The following ULK4 variants were observed in gnomAD, a reference collection of about 807,000 sequenced individuals.
The protein encoded by ULK4 is unc-51 like kinase 4, also known as inactive serine/threonine-protein kinase ULK4.
Under a neutral mutation model 160.6 loss-of-function variants are expected in ULK4, and 133 were observed. That is an observed-to-expected ratio of 0.83 (90% CI 0.72 to 0.96). The LOEUF is 0.96. Among genes scored for constraint, ULK4 ranks in the 40% least tolerant of loss-of-function variants. ULK4 has a pLI of 0.00. For missense variants in ULK4, 1,580 were observed against 1,499.5 expected (o/e 1.05, Z -0.89); for synonymous variants, 534 against 539.8 (o/e 0.99, Z 0.15).
chr3:41,806,516 C>T (rs960019601), intron 19 of ULK4, among the ~76,000 whole-genome samples: 1 of 152,010 alleles, frequency 6.6e-6, no homozygotes, highest in Non-Finnish European at 1.5e-5. Flanking sequence ...TTATTTCTTG[C>T]CTTCTGCTAG....
At chr3:41,460,032 C>A (rs568152234) in intron 33 of ULK4, among the ~76,000 whole-genome samples, 32 of 152,168 alleles carry the variant, frequency 2.1e-4, no homozygotes, top group African/African-American at 7.2e-4. Context: ...TGAAGGCCAA[C>A]GAGGGGAAGG....
chr3:41,949,889 C>A (rs1273069950), intron 2 of ULK4, among the ~76,000 whole-genome samples: 1 of 151,626 alleles, frequency 6.6e-6, no homozygotes, highest in African/African-American at 2.4e-5. Context: ...GCACACACCA[C>A]TATGCCTGGC....
intron 30 of ULK4, among the ~76,000 whole-genome samples, chr3:41,639,159 T>C (rs1032029677): frequency 6.6e-6 from 1 of 152,224 alleles, no homozygotes; most frequent in Non-Finnish European, 1.5e-5. Context: ...ATGGTTTTAC[T>C]GGCTGCAAAA....
chr3:41,487,193 T>C (rs2084570190), intron 32 of ULK4, among the ~76,000 whole-genome samples: 1 of 152,100 alleles, frequency 6.6e-6, no homozygotes, highest in Non-Finnish European at 1.5e-5. Flanking sequence ...TAACACATTA[T>C]GTAAAGATAT....
chr3:41,302,836 C>T (rs903911152), intron 35 of ULK4, among the ~76,000 whole-genome samples: 6 of 152,096 alleles, frequency 3.9e-5, no homozygotes, highest in Admixed American at 6.6e-5. Flanking sequence ...AACTGTCTAT[C>T]GTTGGCTCTA....
chr3:41,852,589 AGAAGAAAACT>A (rs2042243278), intron 17 of ULK4, among the ~76,000 whole-genome samples: 3 of 101,754 alleles, frequency 2.9e-5, no homozygotes, highest in African/African-American at 1.2e-4. Context: ...AAAATAGAAA[AGAAGAAAACT>A]GAAGAAAAGG....
At chr3:41,495,133 A>C (rs552468961) in intron 32 of ULK4, among the ~76,000 whole-genome samples, 1 of 152,234 alleles carries the variant, frequency 6.6e-6, no homozygotes, top group Admixed American at 6.5e-5. Flanking sequence ...GTCAATGCTA[A>C]GCCAAAGGAA....
At chr3:41,421,749 T>C (rs1377403863) in intron 34 of ULK4, among the ~76,000 whole-genome samples, 1 of 152,188 alleles carries the variant, frequency 6.6e-6, no homozygotes, top group East Asian at 1.9e-4. Context: ...TAGGTTATGG[T>C]ATGAGACTTA....
At chr3:41,652,908 A>G (rs1296523107) in intron 30 of ULK4, among the ~76,000 whole-genome samples, 1 of 152,210 alleles carries the variant, frequency 6.6e-6, no homozygotes, top group Non-Finnish European at 1.5e-5. Context: ...CTTGCTTCAC[A>G]TTGATTGTGG....
intron 35 of ULK4, among the ~76,000 whole-genome samples, chr3:41,328,177 G>A (rs916889008): frequency 6.6e-6 from 1 of 152,142 alleles, no homozygotes; most frequent in African/African-American, 2.4e-5. Context: ...TACTCCTGTC[G>A]AACATTATGG....
chr3:41,444,518 A>G (rs1158329616), intron 34 of ULK4, among the ~76,000 whole-genome samples: 1 of 152,132 alleles, frequency 6.6e-6, no homozygotes, highest in Non-Finnish European at 1.5e-5. Flanking sequence ...GTATAAATAT[A>G]ATGTTATACT....
chr3:41,602,361 G>A lies in ULK4; in HGVS notation c.3120+13308C>T, dbSNP rs560818414. Among the ~76,000 whole-genome samples, 292 of 147,478 alleles carry A rather than the reference G, an allele frequency of 2.0e-3. 3 individuals are homozygous for A. The highest frequency in any genetic ancestry group is 7.1e-3 in the Middle Eastern group (2 of 280). On this transcript the variant is annotated intron_variant, in intron 31 of 36. Coordinates refer to ENST00000301831, the MANE Select transcript of ULK4 (RefSeq NM_017886.4). The stretch of plus-strand genomic sequence containing the variant: ...AAGGAGGAAGGGAAAGGAAAGGAAA[G>A]GAGGAAGGGAAAAAGGAAGGGAAGG...
intron 31 of ULK4, among the ~76,000 whole-genome samples, chr3:41,575,108 G>A (rs1259684008): frequency 6.6e-6 from 1 of 152,238 alleles, no homozygotes; most frequent in African/African-American, 2.4e-5. Flanking sequence ...ACATTCTCAT[G>A]GCTTTTTGTA....
chr3:41,630,501 TTC>T (rs2033698090), intron 30 of ULK4, among the ~76,000 whole-genome samples: 1 of 152,206 alleles, frequency 6.6e-6, no homozygotes, highest in African/African-American at 2.4e-5. Context: ...TCTCTTGGAC[TTC>T]TCTGTCTCTG....
chr3:41,835,421 T>C (rs966760491), intron 18 of ULK4, among the ~76,000 whole-genome samples: 1 of 152,218 alleles, frequency 6.6e-6, no homozygotes, highest in Non-Finnish European at 1.5e-5. Context: ...CCTTTAGATA[T>C]AATAAGTCAA....
intron 30 of ULK4, among the ~76,000 whole-genome samples, chr3:41,649,964 C>T (rs566637945): frequency 6.6e-6 from 1 of 152,266 alleles, no homozygotes; most frequent in South Asian, 2.1e-4. Context: ...CCAGACTCAG[C>T]CAGACTCAGA....
rs73828090 is a variant in ULK4, at chr3:41,500,791, C to T, written c.3227-37538G>A. 2.9e-3 allele frequency among the ~76,000 whole-genome samples: 437 copies of T among 152,200 alleles called. 1 individual carries two copies. The highest frequency in any genetic ancestry group is 9.1e-3 in the African/African-American group (377 of 41,512). Reference sequence around the variant, plus strand: ...GCCAGCAGAGAGTATAGGCTCATGCCGGTCATATTAGTTTTTACTCCTCTT... The same window carrying T: ...GCCAGCAGAGAGTATAGGCTCATGCTGGTCATATTAGTTTTTACTCCTCTT... On this transcript the variant is annotated intron_variant, in intron 32 of 36. Transcript: ENST00000301831.
In ULK4 at chr3:41,754,386, T is replaced by C; in HGVS notation, c.2296A>G (p.Met766Val). The C allele has an allele frequency of 6.2e-7, 1 of 1,612,414 alleles. No homozygotes were observed. Residue 766 changes from methionine to valine, a missense_variant, in exon 22 of 37, where the codon ATG (methionine) becomes GTG (valine). Met to Val is a conservative substitution (Grantham distance 21). Transcript: ENST00000301831. Reference protein sequence around the residue: ...LLYILIYNREMLLLSCQARLV... With the variant: ...LLYILIYNREVLLLSCQARLV... The stretch of plus-strand genomic sequence containing the variant: ...CTTGCTTGGCAACTGAGCAGCAACA[T>C]CTCACGGTTATAAATCAAAATATAT...
chr3:41,304,909 A>G (rs12152412), intron 35 of ULK4, among the ~76,000 whole-genome samples: 39,116 of 152,098 alleles, frequency 0.26, 7,720 homozygotes, highest in African/African-American at 0.55. Flanking sequence ...GCAGGGTAGG[A>G]AGGAATAGTG....
Sources: gnomAD v4.1 joint callset for allele counts (sites outside exome capture counted in the v4.1 genomes callset) on GRCh38, gnomAD v4.1.1 for gene constraint, MANE v1.5 for transcripts, NCBI Gene and HGNC (gene_info 2026-07-23, HGNC 2026-07-21) for gene names.